The following MMRN1 variants were observed in gnomAD, a reference collection of about 807,000 sequenced individuals.
MMRN1 encodes multimerin-1.
In MMRN1, 94 loss-of-function variants were observed where a neutral mutation model predicts 100.7. That is an observed-to-expected ratio of 0.93 (90% CI 0.79 to 1.11). The LOEUF (loss-of-function observed/expected upper bound fraction) is 1.11, where lower values mean the gene tolerates loss of function less well. Among genes scored for constraint, MMRN1 ranks in the 50% least tolerant of loss-of-function variants. The pLI is 0.00. For synonymous variants in MMRN1, 575 were observed against 505.0 expected (o/e 1.14, Z -1.86); for missense variants, 1,606 against 1,439.1 (o/e 1.12, Z -1.88).
upstream of MMRN1, among the ~76,000 whole-genome samples, chr4:89,890,548 A>C (rs974424075): frequency 6.6e-6 from 1 of 152,098 alleles, no homozygotes; most frequent in Non-Finnish European, 1.5e-5. Context: ...TTTCAGATGT[A>C]CTTAGCAGAA....
rs1722568320 is a variant in MMRN1 at position 89,935,177 on chromosome 4, C to G, written c.1497C>G (p.Ser499Arg). ...EGALEQEHSR[S>R]ILYYESLNKT... ...CTCTAGAACAGGAACACTCAAGAAG[C>G]ATTCTGTATTATGAATCCCTCAATA... The change falls in exon 6 of 8, where the codon AGC (serine) becomes AGG (arginine). Residue 499 changes from serine (S) to arginine (R), a missense_variant. Transcript: ENST00000264790. 6.2e-7 allele frequency: 1 copy of G among 1,613,218 alleles called. No individual in the cohort carries two copies. Among genetic ancestry groups the G allele is most frequent in the South Asian group, 1.1e-5 (1 of 90,940 alleles).
chr4:89,885,837 A>G (rs1323190988), intron 1 of MMRN1, among the ~76,000 whole-genome samples: 1 of 151,994 alleles, frequency 6.6e-6, no homozygotes, highest in Non-Finnish European at 1.5e-5. Context: ...ACAAAAAATC[A>G]ACTCCAAAAA....
chr4:89,934,968 G>A lies in MMRN1; in HGVS notation c.1288G>A (p.Val430Ile). The stretch of plus-strand genomic sequence containing the variant: ...AAGCACCAGGCAAATAATTCAAAAA[G>A]TTAATGAATCTGTGGTTTCAATAGC... The part of the protein sequence containing the change: ...LESTRQIIQK[V>I]NESVVSIAAQ... Residue 430 changes from valine (V) to isoleucine (I), a missense_variant, in exon 6 of 8, where the codon GTT (valine) becomes ATT (isoleucine). Physicochemically the swap from Val to Ile is conservative, Grantham distance 29. Coordinates refer to ENST00000264790, the MANE Select transcript of MMRN1 (RefSeq NM_007351.3). The A allele has an allele frequency of 1.2e-6, 2 of 1,613,620 alleles. No individual in the cohort carries two copies. Among genetic ancestry groups the A allele is most frequent in the Non-Finnish European group, 1.7e-6 (2 of 1,179,742 alleles).
At chr4:89,922,068 A>G (rs116274619) in intron 3 of MMRN1, among the ~76,000 whole-genome samples, 4,223 of 152,184 alleles carry the variant, frequency 0.028, 95 homozygotes, top group Non-Finnish European at 0.042. Flanking sequence ...GATGTTCTCA[A>G]TATTTTATTT....
Position 89,951,590 on chromosome 4 carries a change from C to A in MMRN1, c.3119-15C>A. 2 of 1,458,070 alleles carry A rather than the reference C, an allele frequency of 1.4e-6. No individual in the cohort carries two copies. Among genetic ancestry groups the A allele is most frequent in the Non-Finnish European group, 1.8e-6 (2 of 1,104,272 alleles). The allele number at this position is 1,458,070 out of a possible 1,614,324, so 90.3% of individuals were successfully genotyped here. A position where few individuals can be genotyped will look rare whatever the true frequency, so the allele number is the denominator to read the frequency against. On this transcript the variant is annotated splice_polypyrimidine_tract_variant and intron_variant, in intron 6 of 7. Transcript: ENST00000264790. Reference sequence around the variant, plus strand: ...CACTTTATTCTCTTTTACCTTGATTCTTTTTCCGTAACAGAGGAGTATTCA... The same window carrying A: ...CACTTTATTCTCTTTTACCTTGATTATTTTTCCGTAACAGAGGAGTATTCA...
chr4:89,885,505 T>G (rs1028920427), intron 1 of MMRN1, among the ~76,000 whole-genome samples: 1 of 152,108 alleles, frequency 6.6e-6, no homozygotes, highest in African/African-American at 2.4e-5. Flanking sequence ...GTATTGTTTC[T>G]TCTTCAAATG....
At chr4:89,893,401 A>G (rs962948669), upstream of MMRN1, among the ~76,000 whole-genome samples, 4 of 152,090 alleles carry the variant, frequency 2.6e-5, no homozygotes, top group Non-Finnish European at 5.9e-5. Context: ...TTAGTAGCTC[A>G]AGGAAGAATT....
intron 5 of MMRN1, among the ~76,000 whole-genome samples, chr4:89,932,355 G>A (rs1454970219): frequency 6.6e-6 from 1 of 152,128 alleles, no homozygotes; most frequent in Non-Finnish European, 1.5e-5. Context: ...GAAGGTCTGT[G>A]GCTTTTTCTC....
intron 3 of MMRN1, among the ~76,000 whole-genome samples, chr4:89,913,245 C>T (rs1721811207): frequency 6.6e-6 from 1 of 151,248 alleles, no homozygotes; most frequent in South Asian, 2.1e-4. Flanking sequence ...TTTCTGAAAT[C>T]TGTATTTCTC....
chr4:89,944,836 C>T (rs1203119564), intron 6 of MMRN1, among the ~76,000 whole-genome samples: 1 of 152,114 alleles, frequency 6.6e-6, no homozygotes, highest in African/African-American at 2.4e-5. Flanking sequence ...AATTAAGGGA[C>T]TTGAAACAAC....
intron 1 of MMRN1, chr4:89,902,065 AT>A (rs1212774854): frequency 1.3e-5 from 2 of 151,778 alleles, no homozygotes; most frequent in Non-Finnish European, 2.9e-5. Flanking sequence ...CGCCCGGAAT[AT>A]GCTCAAGTCA....
At chr4:89,885,834 A>C (rs1440660924) in intron 1 of MMRN1, among the ~76,000 whole-genome samples, 1 of 152,028 alleles carries the variant, frequency 6.6e-6, no homozygotes, top group Non-Finnish European at 1.5e-5. Flanking sequence ...TTTACAAAAA[A>C]TCAACTCCAA....
intron 3 of MMRN1, among the ~76,000 whole-genome samples, chr4:89,914,406 A>T (rs1320642719): frequency 2.0e-5 from 3 of 151,318 alleles, no homozygotes; most frequent in African/African-American, 7.3e-5. Flanking sequence ...TCTGCTACGC[A>T]CGTACTTTAG....
At chr4:89,887,607 T>A (rs1720966230) in intron 1 of MMRN1, among the ~76,000 whole-genome samples, 1 of 152,238 alleles carries the variant, frequency 6.6e-6, no homozygotes, top group African/African-American at 2.4e-5. Flanking sequence ...GCCCTTTTTA[T>A]ATGAAGTGAG....
At chr4:89,931,822 A>G (rs1299853923) in intron 5 of MMRN1, among the ~76,000 whole-genome samples, 2 of 152,118 alleles carry the variant, frequency 1.3e-5, no homozygotes, top group Non-Finnish European at 2.9e-5. Flanking sequence ...CCCACAATGC[A>G]TGGGTATTAT....
chr4:89,926,593 G>A (rs2110620321), intron 4 of MMRN1, among the ~76,000 whole-genome samples: 1 of 152,206 alleles, frequency 6.6e-6, no homozygotes, highest in South Asian at 2.1e-4. Context: ...TCTTGACTTT[G>A]TTGGTTGTTT....
At chr4:89,912,163 C>T in intron 3 of MMRN1, 113 bp downstream of exon 3, 1 of 626,252 alleles carries the variant, frequency 1.6e-6, no homozygotes, top group Non-Finnish European at 2.6e-6. Flanking sequence ...TAGCCAAACT[C>T]CTAGGACTGT....
At chr4:89,882,203 T>C (rs889992239) in intron 1 of MMRN1, among the ~76,000 whole-genome samples, 4 of 151,762 alleles carry the variant, frequency 2.6e-5, no homozygotes, top group East Asian at 1.9e-4. Flanking sequence ...TGGATTGCTA[T>C]TCAACTACTT....
chr4:89,911,682 C>G (rs144355454), intron 2 of MMRN1, among the ~76,000 whole-genome samples: 1 of 151,126 alleles, frequency 6.6e-6, no homozygotes, highest in Non-Finnish European at 1.5e-5. Flanking sequence ...AAGAGAAAAG[C>G]TATAATATCT....
Sources: gnomAD v4.1 joint callset for allele counts (sites outside exome capture counted in the v4.1 genomes callset) on GRCh38, gnomAD v4.1.1 for gene constraint, MANE v1.5 for transcripts, NCBI Gene and HGNC (gene_info 2026-07-23, HGNC 2026-07-21) for gene names.